ITGA8: variants seen among roughly 807,000 people sequenced by gnomAD.
The protein encoded by ITGA8 is integrin alpha-8.
In ITGA8, 91 loss-of-function variants were observed where a neutral mutation model predicts 142.3. That is an observed-to-expected ratio of 0.64 (90% CI 0.54 to 0.76). The LOEUF is 0.76. Among genes scored for constraint, ITGA8 ranks in the 30% least tolerant of loss-of-function variants. ITGA8 has a pLI of 0.00. For missense variants in ITGA8, 1,406 were observed against 1,327.7 expected (o/e 1.06, Z -0.92); for synonymous variants, 505 against 485.2 (o/e 1.04, Z -0.54).
At chr10:15,587,254 A>T (rs1832850757) in intron 22 of ITGA8, among the ~76,000 whole-genome samples, 1 of 152,204 alleles carries the variant, frequency 6.6e-6, no homozygotes, top group East Asian at 1.9e-4. Context: ...CTAAACCAAA[A>T]ATGTATTGAA....
chr10:15,636,350 C>T (rs1833771917), intron 13 of ITGA8, among the ~76,000 whole-genome samples: 1 of 152,252 alleles, frequency 6.6e-6, no homozygotes, highest in East Asian at 1.9e-4. Context: ...AACATACAGA[C>T]CTGAACACAT....
At chr10:15,683,880 C>A (rs1185632739) in intron 4 of ITGA8, 124 bp downstream of exon 4, 1 of 1,068,800 alleles carries the variant, frequency 9.4e-7, no homozygotes. Context: ...TCTTTACCTA[C>A]CCCCGAAGCT....
intron 25 of ITGA8, among the ~76,000 whole-genome samples, chr10:15,570,986 A>G (rs1834170993): frequency 6.6e-6 from 1 of 152,238 alleles, no homozygotes; most frequent in African/African-American, 2.4e-5. Context: ...GCATTTGCAG[A>G]TGTTATTTTA....
At chr10:15,567,344 C>T (rs1000479106) in intron 25 of ITGA8, among the ~76,000 whole-genome samples, 6 of 152,140 alleles carry the variant, frequency 3.9e-5, no homozygotes, top group African/African-American at 1.4e-4. Flanking sequence ...AATTATTGTA[C>T]TGGCTTTAGA....
rs1243953467 is a variant in ITGA8, at chr10:15,646,826, C to T, written c.1207+20G>A. On this transcript the variant is annotated intron_variant, in intron 12 of 29. Transcript: ENST00000378076. The stretch of plus-strand genomic sequence containing the variant: ...GTGGTGACGACACATAAATGACTTC[C>T]ACGCTTTGGTTTAAATTACCATTGT... The T allele has an allele frequency of 2.5e-6, 4 of 1,601,094 alleles. No individual in the cohort carries two copies. The highest frequency in any genetic ancestry group is 3.4e-6 in the Non-Finnish European group (4 of 1,168,828).
At chr10:15,592,928 A>C (rs1036810031) in intron 21 of ITGA8, among the ~76,000 whole-genome samples, 28 of 152,312 alleles carry the variant, frequency 1.8e-4, no homozygotes, top group African/African-American at 6.3e-4. Flanking sequence ...CTTCTGTTTG[A>C]TGGACATTTA....
chr10:15,596,970 A>G, intron 21 of ITGA8: 1 of 442,774 alleles, frequency 2.3e-6, no homozygotes, highest in Non-Finnish European at 4.0e-6. Context: ...AAAGACAGGC[A>G]AGAGTAATGT....
At chr10:15,534,891 G>C (rs79571172) in intron 27 of ITGA8, among the ~76,000 whole-genome samples, 5 of 152,200 alleles carry the variant, frequency 3.3e-5, no homozygotes, top group African/African-American at 7.2e-5. Flanking sequence ...CCTTCAGCCC[G>C]CGGCTGCACT....
intron 28 of ITGA8, among the ~76,000 whole-genome samples, chr10:15,521,038 A>G (rs895883852): frequency 6.6e-6 from 1 of 152,074 alleles, no homozygotes; most frequent in South Asian, 2.1e-4. Context: ...TGTTTTTGTG[A>G]GACAGTGTCT....
At chr10:15,619,384 A>G (rs920625356) in intron 13 of ITGA8, among the ~76,000 whole-genome samples, 1 of 152,212 alleles carries the variant, frequency 6.6e-6, no homozygotes, top group African/African-American at 2.4e-5. Context: ...TTCAGTTATT[A>G]GACTTGGAAC....
chr10:15,593,455 A>T (rs986233221), intron 21 of ITGA8, among the ~76,000 whole-genome samples: 2 of 152,190 alleles, frequency 1.3e-5, no homozygotes, highest in Non-Finnish European at 2.9e-5. Context: ...GATTAGAGAG[A>T]TGAAGTACCT....
At chr10:15,662,962 G>C (rs1834317832) in intron 8 of ITGA8, among the ~76,000 whole-genome samples, 1 of 152,186 alleles carries the variant, frequency 6.6e-6, no homozygotes, top group African/African-American at 2.4e-5. Flanking sequence ...GAACGTGTAT[G>C]AAAATTGGAA....
intron 13 of ITGA8, among the ~76,000 whole-genome samples, chr10:15,626,660 A>G (rs1490434744): frequency 1.3e-5 from 2 of 152,206 alleles, no homozygotes; most frequent in East Asian, 3.8e-4. Flanking sequence ...TAGGGTCTTT[A>G]AAGAGGTAAT....
chr10:15,613,618 G>T, intron 15 of ITGA8, 42 bp downstream of exon 15: 1 of 1,284,358 alleles, frequency 7.8e-7, no homozygotes, highest in Non-Finnish European at 1.1e-6. Flanking sequence ...CCCAGGTGAT[G>T]TGAATTCACA....
Position 15,558,167 on chromosome 10 carries a change from G to C in ITGA8, c.2673C>G (p.Ser891Arg), listed in dbSNP as rs142740699. 7.4e-6 allele frequency: 12 copies of C among 1,614,222 alleles called. No individual in the cohort carries two copies. The highest frequency in any genetic ancestry group is 1.0e-5 in the Non-Finnish European group (12 of 1,180,038). ...AASPEDTPELSAFLRNSTIPH... is the reference protein window; with the variant it reads ...AASPEDTPELRAFLRNSTIPH... ...GAATAGTAGAGTTTCGCAAAAAGGCGCTGAGCTCAGGGGTGTCCTCTGGGG... is the reference window on the plus strand; with the variant it reads ...GAATAGTAGAGTTTCGCAAAAAGGCCCTGAGCTCAGGGGTGTCCTCTGGGG... Residue 891 changes from serine to arginine, a missense_variant, in exon 26 of 30, where the codon AGC (serine) becomes AGG (arginine). Coordinates refer to ENST00000378076, the MANE Select transcript of ITGA8 (RefSeq NM_003638.3).
chr10:15,603,444 G>A (rs1172844298), intron 20 of ITGA8, among the ~76,000 whole-genome samples: 1 of 152,200 alleles, frequency 6.6e-6, no homozygotes, highest in Non-Finnish European at 1.5e-5. Context: ...GAAAGGAAAC[G>A]TGAAACTTGG....
In ITGA8 at chr10:15,517,039, C is replaced by A; in HGVS notation, c.*119G>T. The A allele has an allele frequency of 7.7e-6, 4 of 518,580 alleles. No individual in the cohort carries two copies. The highest frequency in any genetic ancestry group is 4.0e-5 in the Admixed American group (1 of 24,764). The allele number at this position is 518,580 out of a possible 1,614,324, so 32.1% of individuals were successfully genotyped here. On this transcript the variant is annotated 3_prime_UTR_variant, in exon 30 of 30. Transcript: ENST00000378076. ...AGATGAGGTGATGTTTCCAGGGTCCCCTCCATTTCCTGGGTCACTGTCAGG... is the reference window on the plus strand; with the variant it reads ...AGATGAGGTGATGTTTCCAGGGTCCACTCCATTTCCTGGGTCACTGTCAGG...
intron 10 of ITGA8, among the ~76,000 whole-genome samples, chr10:15,656,489 G>T (rs1043479394): frequency 3.3e-5 from 5 of 151,900 alleles, no homozygotes; most frequent in African/African-American, 9.7e-5. Flanking sequence ...TCAGCCTCCT[G>T]AGTAACTGGG....
chr10:15,645,117 AG>A (rs1833956140), intron 12 of ITGA8, among the ~76,000 whole-genome samples: 104 of 149,804 alleles, frequency 6.9e-4, no homozygotes, highest in Non-Finnish European at 1.3e-3. Flanking sequence ...AAAAAAAAAA[AG>A]ATGATCTAAA....
Sources: allele counts gnomAD v4.1 joint callset (sites outside exome capture counted in the v4.1 genomes callset), GRCh38; gene constraint gnomAD v4.1.1; transcripts MANE v1.5; gene names NCBI Gene and HGNC (gene_info 2026-07-23, HGNC 2026-07-21).